KITLG: variants seen among roughly 807,000 people sequenced by gnomAD.
KITLG encodes the protein KIT ligand.
A neutral mutation model predicts 34.1 loss-of-function variants in KITLG; 13 were observed. The observed-to-expected ratio is 0.38, with a 90% CI of 0.25 to 0.61. KITLG has a LOEUF of 0.61. Among genes scored for constraint, KITLG ranks in the 20% least tolerant of loss-of-function variants. The pLI, the probability that KITLG is intolerant of heterozygous loss-of-function variation, is 0.60. For synonymous variants in KITLG, 110 were observed against 104.0 expected (o/e 1.06, Z -0.35); for missense variants, 292 against 318.9 (o/e 0.92, Z 0.64).
intron 6 of KITLG, among the ~76,000 whole-genome samples, chr12:88,512,014 A>G (rs1869295673): frequency 6.6e-6 from 1 of 152,186 alleles, no homozygotes; most frequent in Admixed American, 6.5e-5. Flanking sequence ...TTAAACAATC[A>G]CTAACCATTT....
intron 5 of KITLG, among the ~76,000 whole-genome samples, chr12:88,516,096 T>A (rs1434781621): frequency 6.6e-6 from 1 of 151,754 alleles, no homozygotes; most frequent in Non-Finnish European, 1.5e-5. Flanking sequence ...TGAGTGGCCA[T>A]CTCATATATT....
chr12:88,546,166 C>T (rs1870713324), intron 1 of KITLG: 1 of 429,642 alleles, frequency 2.3e-6, no homozygotes. Flanking sequence ...AAAGACTTAG[C>T]CCTTAGGGTA....
chr12:88,520,482 G>A (rs1293443953), intron 3 of KITLG, among the ~76,000 whole-genome samples: 2 of 152,094 alleles, frequency 1.3e-5, no homozygotes, highest in Non-Finnish European at 2.9e-5. Context: ...AATTCATTCC[G>A]TTGAAATTGT....
intron 1 of KITLG, among the ~76,000 whole-genome samples, chr12:88,549,232 C>T (rs1870816366): frequency 6.6e-6 from 1 of 152,224 alleles, no homozygotes; most frequent in South Asian, 2.1e-4. Flanking sequence ...CAGACATTGA[C>T]TCTTACTTGA....
chr12:88,560,909 G>A (rs186535223), intron 1 of KITLG, among the ~76,000 whole-genome samples: 51 of 148,786 alleles, frequency 3.4e-4, no homozygotes, highest in Admixed American at 3.2e-3. Flanking sequence ...CGGAGGTTGC[G>A]GTGAGCCGAG....
intron 3 of KITLG, among the ~76,000 whole-genome samples, chr12:88,525,181 G>A (rs1869820381): frequency 6.6e-6 from 1 of 152,186 alleles, no homozygotes; most frequent in Non-Finnish European, 1.5e-5. Flanking sequence ...AATAGAATGA[G>A]GCGGAGAAAC....
chr12:88,516,371 A>T lies in KITLG; in HGVS notation c.483T>A (p.Ser161Arg). 6.2e-7 allele frequency: 1 copy of T among 1,611,328 alleles called. No homozygotes were observed. Among genetic ancestry groups the T allele is most frequent in the South Asian group, 1.1e-5 (1 of 91,026 alleles). ...TTAATGTTGAAGAAACCACACAATC[A>T]CTAGTTTCAGATGCCACTACAAAGT... ...FKDFVVASET[S>R]DCVVSSTLSP... The change falls in exon 5 of 10, where the codon AGT (serine) becomes AGA (arginine). Residue 161 changes from serine (S) to arginine (R), a missense_variant. Transcript: ENST00000644744.
intron 9 of KITLG, among the ~76,000 whole-genome samples, chr12:88,500,803 CA>C (rs1868822905): frequency 6.6e-6 from 1 of 151,974 alleles, no homozygotes; most frequent in African/African-American, 2.4e-5. Flanking sequence ...ATTTTGAGAC[CA>C]GGCCTTGCTC....
chr12:88,514,107 A>G (rs1391512277), intron 6 of KITLG, among the ~76,000 whole-genome samples: 1 of 151,716 alleles, frequency 6.6e-6, no homozygotes, highest in Non-Finnish European at 1.5e-5. Context: ...CAAAGAAGAA[A>G]TCACAGTTGA....
At chr12:88,534,151 A>T (rs1213968776) in intron 2 of KITLG, among the ~76,000 whole-genome samples, 1 of 152,164 alleles carries the variant, frequency 6.6e-6, no homozygotes, top group African/African-American at 2.4e-5. Context: ...AACTGAGGCT[A>T]GAAGGGGTCA....
chr12:88,562,259 G>T (rs561192801), intron 1 of KITLG, among the ~76,000 whole-genome samples: 2 of 152,290 alleles, frequency 1.3e-5, no homozygotes, highest in South Asian at 4.1e-4. Flanking sequence ...CCAAGGTACT[G>T]GCACTATCTA....
chr12:88,552,930 A>G (rs918926819), intron 1 of KITLG, among the ~76,000 whole-genome samples: 4 of 152,206 alleles, frequency 2.6e-5, no homozygotes, highest in African/African-American at 9.6e-5. Context: ...CTCATGAACT[A>G]GTAGTAAGAA....
intron 3 of KITLG, among the ~76,000 whole-genome samples, chr12:88,526,372 T>C (rs1240624901): frequency 2.0e-5 from 3 of 152,170 alleles, no homozygotes; most frequent in African/African-American, 4.8e-5. Flanking sequence ...TGACGAGTTA[T>C]AGGCACTCAC....
chr12:88,503,048 T>G (rs1868924509), intron 9 of KITLG, among the ~76,000 whole-genome samples: 1 of 152,120 alleles, frequency 6.6e-6, no homozygotes, highest in Non-Finnish European at 1.5e-5. Flanking sequence ...CCATTTACAT[T>G]ATTTGACAGG....
chr12:88,522,385 T>A (rs1869701634), intron 3 of KITLG, among the ~76,000 whole-genome samples: 1 of 151,066 alleles, frequency 6.6e-6, no homozygotes, highest in African/African-American at 2.4e-5. Flanking sequence ...TTAGGTGAAA[T>A]AATTTGACAC....
intron 1 of KITLG, among the ~76,000 whole-genome samples, chr12:88,578,518 A>G (rs1297598242): frequency 2.6e-5 from 4 of 152,186 alleles, no homozygotes; most frequent in Non-Finnish European, 5.9e-5. Context: ...CTAGTTTTCA[A>G]TGGAATTATT....
intron 2 of KITLG, among the ~76,000 whole-genome samples, chr12:88,537,242 G>T (rs775595337): frequency 1.3e-5 from 2 of 151,892 alleles, no homozygotes; most frequent in Non-Finnish European, 2.9e-5. Flanking sequence ...ATCAACAATG[G>T]ACTGAATAAA....
At chr12:88,574,089 A>G (rs1339772294) in intron 1 of KITLG, among the ~76,000 whole-genome samples, 11 of 150,942 alleles carry the variant, frequency 7.3e-5, no homozygotes, top group Non-Finnish European at 1.6e-4. Context: ...TAAATTTTCT[A>G]GACTATTGCC....
At chr12:88,553,647 G>A (rs993544132) in intron 1 of KITLG, among the ~76,000 whole-genome samples, 3 of 151,926 alleles carry the variant, frequency 2.0e-5, no homozygotes, top group African/African-American at 4.8e-5. Context: ...AGTGTCCCCC[G>A]TTTATTCCCC....
Sources: gnomAD v4.1 joint callset for allele counts (sites outside exome capture counted in the v4.1 genomes callset) on GRCh38, gnomAD v4.1.1 for gene constraint, MANE v1.5 for transcripts, NCBI Gene and HGNC (gene_info 2026-07-23, HGNC 2026-07-21) for gene names.